Variants in PITPNM2 observed in about 807,000 individuals in gnomAD.
PITPNM2 encodes membrane-associated phosphatidylinositol transfer protein 2.
A neutral mutation model predicts 132.2 loss-of-function variants in PITPNM2; 35 were observed. The ratio of observed to expected loss-of-function variants is 0.26; its 90% confidence interval spans 0.20 to 0.35. The LOEUF (loss-of-function observed/expected upper bound fraction) is 0.35. PITPNM2 is among the 10% of genes least tolerant of loss of function. The pLI, the probability that PITPNM2 is intolerant of heterozygous loss-of-function variation, is 1.00. For synonymous variants in PITPNM2, 738 were observed against 799.2 expected, an observed-to-expected ratio of 0.92 and a Z score of 1.29; for missense variants, 1,332 against 1,912.0, an observed-to-expected ratio of 0.70 and a Z score of 5.66.
In PITPNM2 at chr12:123,058,698, C is replaced by A. The variant is rs1013613436; in HGVS notation, c.-95-24013G>T. The stretch of plus-strand genomic sequence containing the variant: ...TGGTAACTGTTGCCTGAGGCATTTG[C>A]TCAAGGCCCCAAGCGCTGTAGAAGC... On this transcript the variant is annotated intron_variant, in intron 2 of 25. Coordinates refer to ENST00000320201, the MANE Select transcript of PITPNM2 (RefSeq NM_020845.3). This position sits in a 1 kb window ranked among gnomAD's most constrained non-coding sequence, Gnocchi z 4.0. Among the ~76,000 whole-genome samples the A allele has an allele frequency of 6.6e-6, 1 of 152,222 alleles. No homozygotes were observed. Among genetic ancestry groups the A allele is most frequent in the African/African-American group, 2.4e-5 (1 of 41,450 alleles).
At chr12:123,053,562 C>CTTT (rs964541144) in intron 2 of PITPNM2, among the ~76,000 whole-genome samples, 113 of 119,758 alleles carry the variant, frequency 9.4e-4, no homozygotes, top group Non-Finnish European at 1.1e-3. Flanking sequence ...ATGGTGACAT[C>CTTT]TTTTTTTTTT....
At chr12:123,091,535 G>A (rs74424740) in intron 2 of PITPNM2, 1 of 152,336 alleles carries the variant, frequency 6.6e-6, no homozygotes, top group Admixed American at 6.5e-5. Context: ...TGGGGGTGCT[G>A]AGTGAGGGTC....
intron 3 of PITPNM2, among the ~76,000 whole-genome samples, chr12:123,018,320 A>T: frequency 7.8e-6 from 1 of 128,244 alleles, no homozygotes. Flanking sequence ...TTTGAGACAG[A>T]GTCTCATTCT....
In PITPNM2 at chr12:123,000,126, G is replaced by T. The variant is rs2038594842; in HGVS notation, c.1224+652C>A. On this transcript the variant is annotated intron_variant, in intron 10 of 25. Coordinates refer to ENST00000320201, the MANE Select transcript of PITPNM2 (RefSeq NM_020845.3). This position sits in a 1 kb window ranked among gnomAD's most constrained non-coding sequence, Gnocchi z 5.4. Reference sequence around the variant, plus strand: ...GGGGGCCCGAGTTCCCCACAGAAGTGGTGCTGCCTCCACCTTAGGTAGCTT... The same window carrying T: ...GGGGGCCCGAGTTCCCCACAGAAGTTGTGCTGCCTCCACCTTAGGTAGCTT... Among the ~76,000 whole-genome samples the T allele has an allele frequency of 6.6e-6, 1 of 152,210 alleles. No individual in the cohort carries two copies. The highest frequency in any genetic ancestry group is 2.1e-4 in the South Asian group (1 of 4,822).
intron 1 of PITPNM2, among the ~76,000 whole-genome samples, chr12:123,138,488 C>A (rs1235871608): frequency 6.6e-6 from 1 of 151,924 alleles, no homozygotes; most frequent in African/African-American, 2.4e-5. Context: ...GTATATTTTA[C>A]CACAAAAAAA....
At chr12:123,032,069 C>T (rs528368587) in intron 3 of PITPNM2, among the ~76,000 whole-genome samples, 4 of 152,340 alleles carry the variant, frequency 2.6e-5, no homozygotes, top group South Asian at 2.1e-4. Context: ...CTGCATGTGT[C>T]GGCTAGATGG....
At chr12:123,049,517 C>G (rs2040788367) in intron 2 of PITPNM2, among the ~76,000 whole-genome samples, 1 of 152,194 alleles carries the variant, frequency 6.6e-6, no homozygotes, top group South Asian at 2.1e-4. Flanking sequence ...CTGCCATGCC[C>G]AGGAAGCACC....
At chr12:123,075,179 C>T (rs1381322223) in intron 2 of PITPNM2, among the ~76,000 whole-genome samples, 5 of 152,130 alleles carry the variant, frequency 3.3e-5, no homozygotes, top group Non-Finnish European at 2.9e-5. Context: ...TGGGCAAAGG[C>T]GTGTATGTGC....
chr12:123,095,317 T>C lies in PITPNM2; in HGVS notation c.-96+15068A>G, dbSNP rs528100386. Among the ~76,000 whole-genome samples, 3 of 152,328 alleles carry C rather than the reference T, an allele frequency of 2.0e-5. No individual in the cohort carries two copies. Among genetic ancestry groups the C allele is most frequent in the African/African-American group, 7.2e-5 (3 of 41,584 alleles). On this transcript the variant is annotated intron_variant, in intron 2 of 25. Transcript: ENST00000320201. The surrounding 1 kb of genome is among the most constrained non-coding windows in gnomAD (Gnocchi z 5.0). ...CTAAGCAAATCAGAACCGATGGCCC[T>C]GTGCTGGGCACAGATCCCGCTTGGC... is the stretch of plus-strand genomic sequence containing the variant.
chr12:123,009,754 G>A lies in PITPNM2; in HGVS notation c.643+96C>T, dbSNP rs1237601367. The A allele has an allele frequency of 2.7e-5, 32 of 1,198,794 alleles. No individual in the cohort carries two copies. Among genetic ancestry groups the A allele is most frequent in the Non-Finnish European group, 2.2e-5 (18 of 817,908 alleles). 74.3% of individuals were successfully genotyped at this position (1,198,794 alleles called of 1,614,324 possible). A position where few individuals can be genotyped will look rare whatever the true frequency, so the allele number is the denominator to read the frequency against. ...AACAAAACAGAAACGCAGACTCCCA[G>A]GCAGACATGCAAAGAGAGGAGGCAG... On this transcript the variant is annotated intron_variant, in intron 6 of 25. Coordinates refer to ENST00000320201, the MANE Select transcript of PITPNM2 (RefSeq NM_020845.3). This position sits in a 1 kb window ranked among gnomAD's most constrained non-coding sequence, Gnocchi z 4.8.
At chr12:123,012,807 C>T in intron 4 of PITPNM2, 73 bp from the exon 5 acceptor site, 1 of 1,573,616 alleles carries the variant, frequency 6.4e-7, no homozygotes, top group Non-Finnish European at 8.7e-7. Context: ...GGCCTGTTGA[C>T]CCACTGGGTA....
In PITPNM2 at chr12:123,000,814, C is replaced by T. The variant is rs770067760; in HGVS notation, c.1188G>A (p.Arg396=). 6.2e-7 allele frequency: 1 copy of T among 1,614,082 alleles called. No individual in the cohort carries two copies. The highest frequency in any genetic ancestry group is 1.1e-5 in the South Asian group (1 of 91,074). Residue 396 remains arginine, a synonymous_variant, in exon 10 of 26, where the codon AGG becomes AGA. Coordinates refer to ENST00000320201, the MANE Select transcript of PITPNM2 (RefSeq NM_020845.3). The surrounding 1 kb of genome is among the most constrained non-coding windows in gnomAD (Gnocchi z 5.4). ...GLYRQGAPEF[R]VASSVEQLNI... is the part of the protein sequence containing the mutation. ...TCAGCTGCTCCACACTGGAGGCCAC[C>T]CTGAACTCAGGGGCACCCTGGCGGT...
chr12:123,027,225 G>T (rs1566255228), intron 3 of PITPNM2, among the ~76,000 whole-genome samples: 1 of 152,140 alleles, frequency 6.6e-6, no homozygotes, highest in Non-Finnish European at 1.5e-5. Flanking sequence ...CCAGTGTATG[G>T]TGACTCTTCA....
chr12:122,984,944 T>C lies in PITPNM2; in HGVS notation c.*1083A>G, dbSNP rs944461715. The C allele has an allele frequency of 2.0e-5, 3 of 152,142 alleles. No homozygotes were observed. Among genetic ancestry groups the C allele is most frequent in the African/African-American group, 7.2e-5 (3 of 41,392 alleles). The allele number at this position is 152,142 out of a possible 1,614,324, so 9.4% of individuals were successfully genotyped here. A position where few individuals can be genotyped will look rare whatever the true frequency, so the allele number is the denominator to read the frequency against. Reference sequence around the variant, plus strand: ...CTGCCCTGAAGCTGACAAAGCAAGTTGTGGCTTCTTAGATTCGGCATGAAA... The same window carrying C: ...CTGCCCTGAAGCTGACAAAGCAAGTCGTGGCTTCTTAGATTCGGCATGAAA... On this transcript the variant is annotated 3_prime_UTR_variant, in exon 26 of 26. Transcript: ENST00000320201.
intron 3 of PITPNM2, among the ~76,000 whole-genome samples, chr12:123,027,103 A>G (rs1006338027): frequency 6.6e-6 from 1 of 151,344 alleles, no homozygotes; most frequent in Non-Finnish European, 1.5e-5. Flanking sequence ...AAACAAGCAC[A>G]CTACACTGAT....
intron 1 of PITPNM2, among the ~76,000 whole-genome samples, chr12:123,128,107 T>C (rs955976531): frequency 2.6e-5 from 4 of 151,610 alleles, no homozygotes; most frequent in Non-Finnish European, 5.9e-5. Flanking sequence ...TCAAACATAC[T>C]TTGGAAAATG....
Position 122,984,615 on chromosome 12 carries a change from C to T in PITPNM2, c.*1412G>A, listed in dbSNP as rs1342448752. ...TACACGACCCTTTGGCTGTACATAT[C>T]TACACACGGGAAAAAGTTAACATCA... On this transcript the variant is annotated 3_prime_UTR_variant, in exon 26 of 26. Transcript: ENST00000320201. 1.3e-5 allele frequency: 2 copies of T among 152,280 alleles called. No homozygotes were observed. The highest frequency in any genetic ancestry group is 2.4e-5 in the African/African-American group (1 of 41,460). 9.4% of individuals were successfully genotyped at this position (152,280 alleles called of 1,614,324 possible). A position where few individuals can be genotyped will look rare whatever the true frequency, so the allele number is the denominator to read the frequency against.
intron 1 of PITPNM2, among the ~76,000 whole-genome samples, chr12:123,120,174 T>A (rs2043009085): frequency 6.6e-6 from 1 of 152,122 alleles, no homozygotes; most frequent in Non-Finnish European, 1.5e-5. Context: ...ACTAACACCC[T>A]CTAAGATTTA....
chr12:123,144,562 G>A (rs2043573042), intron 1 of PITPNM2, among the ~76,000 whole-genome samples: 1 of 152,194 alleles, frequency 6.6e-6, no homozygotes, highest in Non-Finnish European at 1.5e-5. Flanking sequence ...CTCCTGAGTA[G>A]CTGGGATTAC....
Sources: gnomAD v4.1 joint callset for allele counts (sites outside exome capture counted in the v4.1 genomes callset) on GRCh38, gnomAD v4.1.1 for gene constraint, Gnocchi (gnomAD v3.1) non-coding constraint, MANE v1.5 for transcripts, NCBI Gene and HGNC (gene_info 2026-07-23, HGNC 2026-07-21) for gene names.